The following SCGB2A1 variants were observed in gnomAD, a reference collection of about 807,000 sequenced individuals.
The protein encoded by SCGB2A1 is secretoglobin family 2A member 1, also known as mammaglobin-B.
Under a neutral mutation model 9.2 loss-of-function variants are expected in SCGB2A1, and 6 were observed. That is an observed-to-expected ratio of 0.66 (90% CI 0.36 to 1.29). The LOEUF (loss-of-function observed/expected upper bound fraction) is 1.29, where lower values mean the gene tolerates loss of function less well. Among genes scored for constraint, SCGB2A1 ranks in the 50% most tolerant of loss-of-function variants. The probability of loss-of-function intolerance (pLI) is 0.03; values close to 1 mark genes in which losing one functional copy is unlikely to be tolerated. For synonymous variants in SCGB2A1, 37 were observed against 41.0 expected (o/e 0.90, Z 0.37); for missense variants, 138 against 116.9 (o/e 1.18, Z -0.83).
At chr11:62,212,927 C>T (rs1322425500) in intron 2 of SCGB2A1, among the ~76,000 whole-genome samples, 1 of 144,450 alleles carries the variant, frequency 6.9e-6, no homozygotes, top group Admixed American at 6.9e-5. Context: ...TACACACACA[C>T]ATATATACAC....
Position 62,211,342 on chromosome 11 carries a change from A to T in SCGB2A1, c.243+742A>T, listed in dbSNP as rs867234960. On this transcript the variant is annotated intron_variant, in intron 2 of 2. Coordinates refer to ENST00000244930, the MANE Select transcript of SCGB2A1 (RefSeq NM_002407.3). ...AAAAACAAATATTCAAAACATTCTT[A>T]TTTTTTTTTATCTAGCTCAGAAAAT... 5.2e-3 allele frequency among the ~76,000 whole-genome samples: 792 copies of T among 151,772 alleles called. 4 individuals carry two copies. Among genetic ancestry groups the T allele is most frequent in the Non-Finnish European group, 8.2e-3 (558 of 67,920 alleles).
chr11:62,213,002 A>ACACATATGTG (rs1554985842), intron 2 of SCGB2A1, among the ~76,000 whole-genome samples: 1 of 81,460 alleles, frequency 1.2e-5, no homozygotes, highest in Non-Finnish European at 2.5e-5. Context: ...GCATATATGT[A>ACACATATGTG]CACATATATG....
At chr11:62,211,862 G>T (rs1295808498) in intron 2 of SCGB2A1, among the ~76,000 whole-genome samples, 1 of 152,182 alleles carries the variant, frequency 6.6e-6, no homozygotes, top group South Asian at 2.1e-4. Context: ...AAAGTCAGTG[G>T]TTATAACAAG....
At chr11:62,209,625 T>G (rs183049325) in intron 1 of SCGB2A1, among the ~76,000 whole-genome samples, 312 of 143,696 alleles carry the variant, frequency 2.2e-3, no homozygotes, top group African/African-American at 6.9e-3. Context: ...ACAAGCTCTA[T>G]TTCACATTCA....
At chr11:62,213,029 T>TACATATAC (rs1944847360) in intron 2 of SCGB2A1, among the ~76,000 whole-genome samples, 2 of 53,806 alleles carry the variant, frequency 3.7e-5, no homozygotes, top group African/African-American at 6.1e-5. Context: ...TATACATATA[T>TACATATAC]ACACACATAT....
chr11:62,213,812 C>T lies in SCGB2A1; in HGVS notation c.*42C>T. The T allele has an allele frequency of 1.9e-6, 3 of 1,542,540 alleles. No individual in the cohort carries two copies. Among genetic ancestry groups the T allele is most frequent in the Non-Finnish European group, 2.7e-6 (3 of 1,125,314 alleles). On this transcript the variant is annotated 3_prime_UTR_variant, in exon 3 of 3. Transcript: ENST00000244930. ...TGGCTCAGAGGGCTACAGACTATGG[C>T]CAGAACTCATCTGTTGATTGCTAGA...
chr11:62,209,047 T>A (rs1944807001), intron 1 of SCGB2A1, among the ~76,000 whole-genome samples: 1 of 152,056 alleles, frequency 6.6e-6, no homozygotes, highest in Admixed American at 6.6e-5. Context: ...GAAACCAGGA[T>A]GAGTCTCAGG....
In SCGB2A1 at chr11:62,210,500, A is replaced by T; in HGVS notation, c.143A>T (p.Glu48Val). Residue 48 changes from glutamate (E) to valine (V), a missense_variant, in exon 2 of 3, where the codon GAG becomes GTG. Physicochemically the swap from Glu to Val is moderately radical, Grantham distance 121. Coordinates refer to ENST00000244930, the MANE Select transcript of SCGB2A1 (RefSeq NM_002407.3). ...SIPEYKELLQ[E>V]FIDSDAAAEA... The stretch of plus-strand genomic sequence containing the variant: ...CCTGAATACAAAGAGCTTCTTCAAG[A>T]GTTCATAGACAGTGATGCCGCTGCA... 1.3e-6 allele frequency: 2 copies of T among 1,598,906 alleles called. No individual in the cohort carries two copies. Among genetic ancestry groups the T allele is most frequent in the Non-Finnish European group, 1.7e-6 (2 of 1,174,782 alleles).
chr11:62,211,342 A>ATTT (rs5792249), intron 2 of SCGB2A1, among the ~76,000 whole-genome samples: 25 of 151,774 alleles, frequency 1.6e-4, no homozygotes, highest in East Asian at 7.7e-4. Context: ...AAACATTCTT[A>ATTT]TTTTTTTTTA....
intron 1 of SCGB2A1, 95 bp downstream of exon 1, chr11:62,208,881 A>G (rs113547968): frequency 6.1e-6 from 8 of 1,303,990 alleles, no homozygotes; most frequent in Middle Eastern, 1.9e-4. Context: ...AGCACAGACG[A>G]GCCCCAGTGT....
intron 2 of SCGB2A1, among the ~76,000 whole-genome samples, chr11:62,211,490 C>T (rs1344106756): frequency 6.6e-6 from 1 of 152,100 alleles, no homozygotes; most frequent in Non-Finnish European, 1.5e-5. Context: ...ACCTCTGCCT[C>T]CTGGGATCAA....
At chr11:62,210,177 C>T (rs1487336219) in intron 1 of SCGB2A1, among the ~76,000 whole-genome samples, 12 of 152,148 alleles carry the variant, frequency 7.9e-5, no homozygotes, top group African/African-American at 2.9e-4. Flanking sequence ...TCCTCTTCAC[C>T]AAGAATACAC....
intron 2 of SCGB2A1, among the ~76,000 whole-genome samples, chr11:62,213,017 T>G (rs1427932025): frequency 7.2e-6 from 1 of 138,354 alleles, no homozygotes; most frequent in African/African-American, 3.0e-5. Flanking sequence ...TATATGCACA[T>G]ATATACATAT....
intron 2 of SCGB2A1, among the ~76,000 whole-genome samples, chr11:62,211,749 A>G (rs1015560895): frequency 2.0e-5 from 3 of 152,200 alleles, no homozygotes; most frequent in African/African-American, 7.2e-5. Flanking sequence ...ATTTGTTAGC[A>G]TACATGACTG....
At chr11:62,211,552 A>G (rs774310682) in intron 2 of SCGB2A1, among the ~76,000 whole-genome samples, 27 of 152,036 alleles carry the variant, frequency 1.8e-4, no homozygotes, top group Non-Finnish European at 3.7e-4. Context: ...GGCATGTACC[A>G]CCATGCCCAG....
At position 62,210,552 on chromosome 11, in the gene SCGB2A1, T is replaced by C. The variant is rs751034695; in HGVS notation, c.195T>C (p.Cys65=). 1 of 1,579,694 alleles carries C rather than the reference T, an allele frequency of 6.3e-7. No individual in the cohort carries two copies. Among genetic ancestry groups the C allele is most frequent in the South Asian group, 1.2e-5 (1 of 80,358 alleles). Residue 65 remains cysteine, a synonymous_variant, in exon 2 of 3, where the codon TGT becomes TGC. Coordinates refer to ENST00000244930, the MANE Select transcript of SCGB2A1 (RefSeq NM_002407.3). ...AGGCTATGGGGAAATTCAAGCAGTG[T>C]TTCCTCAACCAGTCACATAGAACTC... ...AAEAMGKFKQ[C]FLNQSHRTLK...
At chr11:62,213,120 A>G (rs1466950436) in intron 2 of SCGB2A1, among the ~76,000 whole-genome samples, 6 of 37,644 alleles carry the variant, frequency 1.6e-4, no homozygotes, top group South Asian at 1.9e-3. Flanking sequence ...TTTTTTTTGT[A>G]GAGATGGCAT....
intron 1 of SCGB2A1, among the ~76,000 whole-genome samples, chr11:62,209,950 C>A (rs1467872821): frequency 1.3e-5 from 2 of 152,182 alleles, no homozygotes; most frequent in Non-Finnish European, 2.9e-5. Context: ...GCTGGGATTA[C>A]AGGCGTGAGC....
intron 2 of SCGB2A1, among the ~76,000 whole-genome samples, chr11:62,212,395 G>A (rs1179443318): frequency 6.6e-6 from 1 of 151,402 alleles, no homozygotes; most frequent in Non-Finnish European, 1.5e-5. Flanking sequence ...AGCACTTTAG[G>A]AGGCCAAGGC....
Sources: gnomAD v4.1 joint callset for allele counts (sites outside exome capture counted in the v4.1 genomes callset) on GRCh38, gnomAD v4.1.1 for gene constraint, MANE v1.5 for transcripts, NCBI Gene and HGNC (gene_info 2026-07-23, HGNC 2026-07-21) for gene names.